The following LRGUK variants were observed in gnomAD, a reference collection of about 807,000 sequenced individuals.
LRGUK encodes leucine rich repeats and guanylate kinase domain containing.
A neutral mutation model predicts 76.0 loss-of-function variants in LRGUK; 65 were observed. That is an observed-to-expected ratio of 0.85 (90% CI 0.70 to 1.05). The LOEUF is 1.05. Among genes scored for constraint, LRGUK ranks in the 50% least tolerant of loss-of-function variants. The pLI, the probability that LRGUK is intolerant of heterozygous loss-of-function variation, is 0.00. For synonymous variants in LRGUK, 268 were observed against 265.6 expected, an observed-to-expected ratio of 1.01 and a Z score of -0.09; for missense variants, 758 against 732.8, an observed-to-expected ratio of 1.03 and a Z score of -0.40.
intron 1 of LRGUK, among the ~76,000 whole-genome samples, chr7:134,131,915 C>T (rs74624125): frequency 0.12 from 17,568 of 151,726 alleles, 1,281 homozygotes; most frequent in East Asian, 0.33. Context: ...GAAAAGGCCA[C>T]GAATAGACCC....
chr7:134,152,100 C>T (rs1244867148), intron 5 of LRGUK, among the ~76,000 whole-genome samples: 7 of 151,932 alleles, frequency 4.6e-5, no homozygotes, highest in African/African-American at 1.2e-4. Flanking sequence ...ACATAAAAGT[C>T]ATTCTTTGCA....
intron 12 of LRGUK, among the ~76,000 whole-genome samples, chr7:134,195,319 C>A (rs1436072830): frequency 6.6e-6 from 1 of 152,122 alleles, no homozygotes; most frequent in Non-Finnish European, 1.5e-5. Context: ...AGTCCCCATG[C>A]AAGAAGGGAG....
intron 12 of LRGUK, among the ~76,000 whole-genome samples, chr7:134,191,952 G>T (rs1800272528): frequency 6.6e-6 from 1 of 151,534 alleles, no homozygotes; most frequent in Admixed American, 6.6e-5. Flanking sequence ...TGGTCTTGGA[G>T]AAAATATTGT....
intron 16 of LRGUK, among the ~76,000 whole-genome samples, chr7:134,245,627 A>G (rs1282957677): frequency 6.6e-6 from 1 of 152,188 alleles, no homozygotes; most frequent in Non-Finnish European, 1.5e-5. Context: ...GAAGATCCAA[A>G]AAGTATGCTG....
rs1344788360 is a variant in LRGUK at position 134,152,936 on chromosome 7, G to T, written c.670+4617G>T. Among the ~76,000 whole-genome samples the T allele has an allele frequency of 1.5e-5, 2 of 130,372 alleles. 1 individual carries two copies. The highest frequency in any genetic ancestry group is 3.3e-5 in the Non-Finnish European group (2 of 61,476). 85.5% of individuals were successfully genotyped at this position (130,372 alleles called of 152,430 possible). ...CTACATGCATGTAAATATAATTTAG[G>T]CATAAAACTAAGGGAGGAAGGGAAG... On this transcript the variant is annotated intron_variant, in intron 5 of 15. Coordinates refer to ENST00000645682, the Ensembl canonical transcript of LRGUK.
chr7:134,217,975 G>A (rs1319229145), intron 15 of LRGUK, among the ~76,000 whole-genome samples: 1 of 152,020 alleles, frequency 6.6e-6, no homozygotes, highest in East Asian at 1.9e-4. Context: ...GTTGTTTTTA[G>A]ATGGAGTCTT....
intron 5 of LRGUK, among the ~76,000 whole-genome samples, chr7:134,150,464 A>G (rs1022724615): frequency 5.1e-5 from 7 of 137,070 alleles, no homozygotes; most frequent in African/African-American, 1.7e-4. Context: ...TCGTCTCAAA[A>G]CAAAAACAAG....
chr7:134,200,057 G>A (rs1300267904), intron 14 of LRGUK, among the ~76,000 whole-genome samples: 1 of 131,910 alleles, frequency 7.6e-6, no homozygotes, highest in East Asian at 2.2e-4. Flanking sequence ...GAGATAGAGA[G>A]TCTCGCTCTG....
intron 2 of LRGUK, among the ~76,000 whole-genome samples, chr7:134,138,046 C>G (rs1361633846): frequency 6.6e-6 from 1 of 152,168 alleles, no homozygotes; most frequent in Admixed American, 6.5e-5. Context: ...TAATCTTTTT[C>G]TATTTTCACT....
At chr7:134,209,218 C>T (rs1402551846) in exon 16 of LRGUK, 2 of 399,030 alleles carry the variant, frequency 5.0e-6, no homozygotes, top group Non-Finnish European at 8.8e-6. Flanking sequence ...CCCCTACTGG[C>T]CCTCCTCTGT....
intron 15 of LRGUK, among the ~76,000 whole-genome samples, chr7:134,202,777 C>G (rs771128876): frequency 6.6e-6 from 1 of 152,050 alleles, no homozygotes; most frequent in Non-Finnish European, 1.5e-5. Context: ...ACGGTAGTTG[C>G]CAGAGGCTAG....
chr7:134,150,291 A>AAG (rs1554455546), intron 5 of LRGUK, among the ~76,000 whole-genome samples: 1 of 146,056 alleles, frequency 6.8e-6, no homozygotes, highest in African/African-American at 2.5e-5. Context: ...AACAAAAAAA[A>AAG]CAAAAAAAAA....
chr7:134,242,573 C>T (rs564921992), intron 16 of LRGUK, among the ~76,000 whole-genome samples: 1 of 152,172 alleles, frequency 6.6e-6, no homozygotes, highest in East Asian at 1.9e-4. Flanking sequence ...AGCCTACCAA[C>T]CAAAAAAAGT....
intron 5 of LRGUK, among the ~76,000 whole-genome samples, chr7:134,150,479 C>CAAAAAAAAAAAAAAA (rs11403705): frequency 4.5e-5 from 6 of 134,498 alleles, no homozygotes; most frequent in East Asian, 2.3e-4. Flanking sequence ...AACAAGCAAA[C>CAAAAAAAAAAAAAAA]AAAAAAAAAA....
chr7:134,235,293 C>T (rs761465616), intron 16 of LRGUK, among the ~76,000 whole-genome samples: 19 of 152,198 alleles, frequency 1.2e-4, no homozygotes, highest in Non-Finnish European at 2.4e-4. Context: ...TCCACTGACA[C>T]TGGCAAGTGA....
At chr7:134,200,026 A>ATG (rs1800699089) in intron 14 of LRGUK, among the ~76,000 whole-genome samples, 3 of 115,078 alleles carry the variant, frequency 2.6e-5, no homozygotes, top group African/African-American at 6.8e-5. Context: ...ATATATATAT[A>ATG]TATGTATAAT....
exon 16 of LRGUK, chr7:134,209,418 C>T (rs1016699476): frequency 3.0e-5 from 12 of 399,000 alleles, no homozygotes; most frequent in South Asian, 1.3e-4. Flanking sequence ...ACCTCCAAAC[C>T]GGAAGCCATC....
intron 17 of LRGUK, 120 bp downstream of exon 17, chr7:134,247,764 G>T: frequency 1.6e-6 from 1 of 621,126 alleles, no homozygotes. Context: ...CAGTGTTTCA[G>T]CAGTAAAAGC....
chr7:134,161,765 A>G (rs958099048), intron 6 of LRGUK, among the ~76,000 whole-genome samples: 3 of 144,330 alleles, frequency 2.1e-5, no homozygotes, highest in Non-Finnish European at 4.5e-5. Flanking sequence ...ATCTGGGCTC[A>G]CTACAAGCTC....
Sources: allele counts gnomAD v4.1 joint callset (sites outside exome capture counted in the v4.1 genomes callset), GRCh38; gene constraint gnomAD v4.1.1; transcripts MANE v1.5; gene names NCBI Gene and HGNC (gene_info 2026-07-23, HGNC 2026-07-21).